Variants in TTLL1 observed in about 807,000 individuals in gnomAD.
TTLL1 encodes the protein TTL family tubulin polyglutamylase complex subunit L1, also known as polyglutamylase complex subunit TTLL1.
Under a neutral mutation model 47.8 loss-of-function variants are expected in TTLL1, and 33 were observed. The ratio of observed to expected loss-of-function variants is 0.69; its 90% confidence interval spans 0.52 to 0.92. The LOEUF is 0.92. Among genes scored for constraint, TTLL1 ranks in the 40% least tolerant of loss-of-function variants. TTLL1 has a pLI of 0.00. For missense variants in TTLL1, 488 were observed against 547.5 expected (o/e 0.89, Z 1.08); for synonymous variants, 225 against 214.1 (o/e 1.05, Z -0.45).
At chr22:43,042,668 G>A (rs1164705657) in intron 10 of TTLL1, among the ~76,000 whole-genome samples, 5 of 152,188 alleles carry the variant, frequency 3.3e-5, no homozygotes, top group South Asian at 4.1e-4. Flanking sequence ...ATGGACGGGC[G>A]GCGCCGCTCA....
intron 1 of TTLL1, among the ~76,000 whole-genome samples, chr22:43,089,049 A>C (rs889540893): frequency 6.6e-6 from 1 of 152,234 alleles, no homozygotes; most frequent in African/African-American, 2.4e-5. Context: ...CAATTGCAAC[A>C]GTCGGACAGC....
chr22:43,047,095 T>A (rs1926202479), intron 9 of TTLL1, among the ~76,000 whole-genome samples: 1 of 152,192 alleles, frequency 6.6e-6, no homozygotes, highest in Non-Finnish European at 1.5e-5. Flanking sequence ...GGATTAGAAT[T>A]AGGATCTACA....
intron 8 of TTLL1, among the ~76,000 whole-genome samples, chr22:43,057,820 G>C (rs1927120887): frequency 6.6e-6 from 1 of 152,048 alleles, no homozygotes; most frequent in African/African-American, 2.4e-5. Flanking sequence ...GATTTCATGG[G>C]CTTTGGGCCA....
At chr22:43,057,888 A>G (rs1313181024) in intron 8 of TTLL1, among the ~76,000 whole-genome samples, 1 of 151,758 alleles carries the variant, frequency 6.6e-6, no homozygotes, top group Non-Finnish European at 1.5e-5. Context: ...CAGGAGTCAT[A>G]TGCGAGTAAC....
chr22:43,061,105 G>A (rs1440804007), intron 7 of TTLL1, among the ~76,000 whole-genome samples: 4 of 152,116 alleles, frequency 2.6e-5, no homozygotes, highest in South Asian at 4.1e-4. Context: ...CAGAAGAATC[G>A]CTTGAACCCG....
intron 1 of TTLL1, among the ~76,000 whole-genome samples, chr22:43,086,665 G>A (rs1007381430): frequency 3.9e-5 from 6 of 152,144 alleles, no homozygotes; most frequent in Non-Finnish European, 4.4e-5. Context: ...AACTGTGGCC[G>A]GGGAAGGAAG....
Position 43,056,087 on chromosome 22 carries a change from C to T in TTLL1, c.891+3297G>A, listed in dbSNP as rs867910124. Among the ~76,000 whole-genome samples the T allele has an allele frequency of 4.0e-4, 61 of 152,014 alleles. No individual in the cohort carries two copies. The Middle Eastern group carries it at 0.02, about 51-fold the overall frequency. The stretch of plus-strand genomic sequence containing the variant: ...CTATAAATATGTTCATACAGCCAGG[C>T]ACAGTGGCTCCTGCCTGTAATCCCA... On this transcript the variant is annotated intron_variant, in intron 8 of 10. Transcript: ENST00000266254.
intron 8 of TTLL1, among the ~76,000 whole-genome samples, chr22:43,056,370 T>C (rs528836952): frequency 3.1e-3 from 426 of 138,784 alleles, no homozygotes; most frequent in African/African-American, 0.011. Flanking sequence ...AAAAAAAAAA[T>C]TGAAAAAAAA....
In TTLL1 at chr22:43,046,370, A is replaced by G. The variant is rs150617360; in HGVS notation, c.1142+40T>C. 993 of 1,606,612 alleles carry G rather than the reference A, an allele frequency of 6.2e-4. 3 individuals carry two copies. In the African/African-American group the frequency reaches 0.012, roughly 20 times the overall value. On this transcript the variant is annotated intron_variant, in intron 10 of 10. Transcript: ENST00000266254. Reference sequence around the variant, plus strand: ...CTGGGCTATGGCACACGCCATTCGGAAACACAGAAGGACAAGCGCACAGTC... The same window carrying G: ...CTGGGCTATGGCACACGCCATTCGGGAACACAGAAGGACAAGCGCACAGTC...
At chr22:43,085,622 T>C in intron 1 of TTLL1, among the ~76,000 whole-genome samples, 1 of 152,210 alleles carries the variant, frequency 6.6e-6, no homozygotes, top group African/African-American at 2.4e-5. Context: ...TCCGCCATGA[T>C]TGTGACTGAG....
intron 8 of TTLL1, among the ~76,000 whole-genome samples, chr22:43,057,891 C>A (rs552553570): frequency 2.0e-5 from 3 of 151,274 alleles, no homozygotes; most frequent in Non-Finnish European, 4.4e-5. Flanking sequence ...GAGTCATATG[C>A]GAGTAACAAA....
At chr22:43,067,236 C>T (rs776766768) in intron 5 of TTLL1, among the ~76,000 whole-genome samples, 21 of 152,184 alleles carry the variant, frequency 1.4e-4, no homozygotes, top group Non-Finnish European at 2.6e-4. Context: ...CGGCTGTGCC[C>T]GGCTCCTCCC....
intron 4 of TTLL1, among the ~76,000 whole-genome samples, chr22:43,069,220 CAA>C (rs66913313): frequency 0.21 from 17,210 of 80,300 alleles, 1,456 homozygotes; most frequent in East Asian, 0.51. Flanking sequence ...ACTAAAAATA[CAA>C]AAAAAAAAAA....
At chr22:43,055,495 C>A (rs1174366721) in intron 8 of TTLL1, among the ~76,000 whole-genome samples, 2 of 152,074 alleles carry the variant, frequency 1.3e-5, no homozygotes, top group African/African-American at 4.8e-5. Context: ...CCATGCCTGG[C>A]TAATTTTTGT....
intron 5 of TTLL1, 114 bp downstream of exon 5, chr22:43,068,296 G>T: frequency 1.1e-6 from 1 of 915,146 alleles, no homozygotes; most frequent in Non-Finnish European, 1.5e-6. Flanking sequence ...CTGCCTGGGC[G>T]ACAGAGTGAG....
intron 5 of TTLL1, among the ~76,000 whole-genome samples, chr22:43,064,650 C>T (rs985761968): frequency 2.0e-5 from 3 of 152,112 alleles, no homozygotes; most frequent in African/African-American, 7.2e-5. Context: ...CACTTGAACC[C>T]AAGAGGTGGA....
In TTLL1 at chr22:43,063,497, G is replaced by A. The variant is rs905220562; in HGVS notation, c.747+316C>T. ...TTTTTTTCTTTTGAGACAGAGTCTC[G>A]CTCAGTTGTCCAGGCTGGAGTGCAA... On this transcript the variant is annotated intron_variant, in intron 7 of 10. Transcript: ENST00000266254. 2.7e-5 allele frequency among the ~76,000 whole-genome samples: 4 copies of A among 147,038 alleles called. No individual in the cohort carries two copies. The East Asian group carries it at 6.0e-4, about 22-fold the overall frequency.
chr22:43,075,286 A>T (rs1045833135), intron 3 of TTLL1, among the ~76,000 whole-genome samples, 188 bp downstream of exon 3: 4 of 152,184 alleles, frequency 2.6e-5, no homozygotes, highest in African/African-American at 9.7e-5. Flanking sequence ...CCCCAGGGTG[A>T]ACACAGTGAT....
chr22:43,071,219 G>A (rs1249907686), intron 3 of TTLL1, among the ~76,000 whole-genome samples: 5 of 151,674 alleles, frequency 3.3e-5, no homozygotes, highest in Non-Finnish European at 5.9e-5. Context: ...GCTTGGCAAC[G>A]GCAGGAATAC....
Sources: gnomAD v4.1 joint callset for allele counts (sites outside exome capture counted in the v4.1 genomes callset) on GRCh38, gnomAD v4.1.1 for gene constraint, MANE v1.5 for transcripts, NCBI Gene and HGNC (gene_info 2026-07-23, HGNC 2026-07-21) for gene names.